The following MRE11 variants were observed in gnomAD, a reference collection of about 807,000 sequenced individuals.
MRE11 encodes double-strand break repair protein MRE11.
MRE11 carries 62 observed loss-of-function variants against 91.7 expected under a neutral mutation model. That is an observed-to-expected ratio of 0.68 (90% CI 0.55 to 0.84). The LOEUF (loss-of-function observed/expected upper bound fraction) is 0.84, where lower values mean the gene tolerates loss of function less well. MRE11 is among the 40% of genes least tolerant of loss of function. The pLI, the probability that MRE11 is intolerant of heterozygous loss-of-function variation, is 0.00. For synonymous variants in MRE11, 273 were observed against 271.4 expected (o/e 1.01, Z -0.06); for missense variants, 796 against 852.9 (o/e 0.93, Z 0.83).
intron 3 of MRE11, among the ~76,000 whole-genome samples, 156 bp downstream of exon 3, chr11:94,490,677 G>A (rs550666191): frequency 6.6e-6 from 1 of 152,292 alleles, no homozygotes; most frequent in African/African-American, 2.4e-5. Flanking sequence ...AAGACACAAA[G>A]CATACAAAAT....
chr11:94,509,733 C>T, the MRE11 span, among the ~76,000 whole-genome samples: 1 of 152,180 alleles, frequency 6.6e-6, no homozygotes, highest in Non-Finnish European at 1.5e-5. Flanking sequence ...CCCACCTTGC[C>T]TGGCCTGAAT....
chr11:94,422,332 G>A (rs1945192290), intron 19 of MRE11, among the ~76,000 whole-genome samples: 1 of 152,122 alleles, frequency 6.6e-6, no homozygotes, highest in Non-Finnish European at 1.5e-5. Context: ...TCTGGAACTG[G>A]AGTTTTTTCC....
chr11:94,465,395 C>CTTTT (rs752729940), intron 10 of MRE11, among the ~76,000 whole-genome samples: 28 of 127,928 alleles, frequency 2.2e-4, no homozygotes, highest in Non-Finnish European at 2.9e-4. Context: ...CTCTCTCTCT[C>CTTTT]TTTTTTTTTT....
At chr11:94,501,928 G>T in the MRE11 span, among the ~76,000 whole-genome samples, 67 of 151,894 alleles carry the variant, frequency 4.4e-4, no homozygotes, top group African/African-American at 1.6e-3. Context: ...AAATCATATT[G>T]TTTTTTTAAA....
At chr11:94,490,729 G>A in intron 3 of MRE11, 104 bp downstream of exon 3, 2 of 1,330,422 alleles carry the variant, frequency 1.5e-6, no homozygotes, top group South Asian at 2.4e-5. Context: ...AGCAGGCAAG[G>A]TAAGCACCTG....
At chr11:94,491,836 C>T (rs1295067604) in intron 2 of MRE11, among the ~76,000 whole-genome samples, 2 of 152,164 alleles carry the variant, frequency 1.3e-5, no homozygotes, top group African/African-American at 4.8e-5. Flanking sequence ...GATTTCTCTT[C>T]AAAAACTTCA....
chr11:94,490,388 C>G lies in MRE11; in HGVS notation c.153+445G>C, dbSNP rs116184016. 2.9e-3 allele frequency among the ~76,000 whole-genome samples: 441 copies of G among 152,308 alleles called. 2 individuals carry two copies. Among genetic ancestry groups the G allele is most frequent in the African/African-American group, 0.01 (421 of 41,562 alleles). On this transcript the variant is annotated intron_variant, in intron 3 of 19. Coordinates refer to ENST00000323929, the MANE Select transcript of MRE11 (RefSeq NM_005591.4). ...ACACAACCTTCTTCATTAAACTCAT[C>G]TTGCTATAATCTAAACGTGATTTTT... is the stretch of plus-strand genomic sequence containing the variant.
chr11:94,492,783 G>C lies in MRE11; in HGVS notation c.19C>G (p.Leu7Val), dbSNP rs73517551. The change falls in exon 2 of 20, where the codon CTT becomes GTT. Residue 7 changes from leucine to valine, a missense_variant and splice_region_variant. Transcript: ENST00000323929. ...GGATTCCAGAAGTCAGGTGCTTACA[G>C]TGCATCTGCAGTACTCATTTTTATG... MSTADA[L>V]DDENTFKILV... 3.4e-5 allele frequency: 55 copies of C among 1,613,828 alleles called. No homozygotes were observed. Among genetic ancestry groups the C allele is most frequent in the Non-Finnish European group, 4.6e-5 (54 of 1,179,966 alleles).
intron 14 of MRE11, among the ~76,000 whole-genome samples, 153 bp downstream of exon 14, chr11:94,456,123 G>T (rs1202899346): frequency 6.6e-6 from 1 of 152,146 alleles, no homozygotes; most frequent in Non-Finnish European, 1.5e-5. Flanking sequence ...TTTGTAGGCT[G>T]AACTGAAATC....
chr11:94,498,278 G>A (rs368818660), upstream of MRE11: 2 of 1,614,052 alleles, frequency 1.2e-6, no homozygotes, highest in African/African-American at 2.7e-5. Flanking sequence ...TAATACCAGA[G>A]TGGCTTCTTT....
intron 7 of MRE11, among the ~76,000 whole-genome samples, chr11:94,474,510 T>C (rs1369614563): frequency 1.3e-5 from 2 of 151,894 alleles, no homozygotes; most frequent in Non-Finnish European, 2.9e-5. Context: ...TTAATAAATA[T>C]AGAAAGAATG....
chr11:94,433,394 C>T (rs1009038470), intron 18 of MRE11, among the ~76,000 whole-genome samples: 1 of 152,220 alleles, frequency 6.6e-6, no homozygotes, highest in Admixed American at 6.5e-5. Context: ...TACCCTGTGT[C>T]TCTTTTCTAT....
At chr11:94,509,211 T>C in the MRE11 span, among the ~76,000 whole-genome samples, 1 of 152,228 alleles carries the variant, frequency 6.6e-6, no homozygotes, top group Non-Finnish European at 1.5e-5. Flanking sequence ...TAGGTATTAC[T>C]TTTTCTTGAT....
chr11:94,466,396 G>C (rs1946562852), intron 10 of MRE11: 4 of 471,336 alleles, frequency 8.5e-6, no homozygotes, highest in Admixed American at 8.1e-5. Flanking sequence ...ATTAATAAGG[G>C]CTTCACTATG....
Position 94,420,478 on chromosome 11 carries a change from G to T in MRE11, c.2071-297C>A, listed in dbSNP as rs1591621766. Reference sequence around the variant, plus strand: ...TAGGTAAGCCAGAAAAATAATTCAAGTCATTTTATATTTGGTTTTTGAATA... The same window carrying T: ...TAGGTAAGCCAGAAAAATAATTCAATTCATTTTATATTTGGTTTTTGAATA... On this transcript the variant is annotated intron_variant, in intron 19 of 19. Coordinates refer to ENST00000323929, the MANE Select transcript of MRE11 (RefSeq NM_005591.4). Among the ~76,000 whole-genome samples the T allele has an allele frequency of 3.3e-5, 5 of 152,136 alleles. No homozygotes were observed. In the South Asian group the frequency reaches 1.0e-3, roughly 32 times the overall value.
intron 7 of MRE11, among the ~76,000 whole-genome samples, 194 bp downstream of exon 7, chr11:94,476,095 A>T (rs1185101987): frequency 2.6e-5 from 4 of 152,208 alleles, no homozygotes; most frequent in Non-Finnish European, 5.9e-5. Context: ...CTTATGTTAC[A>T]AATATTCTTG....
upstream of MRE11, chr11:94,498,377 G>C: frequency 6.2e-7 from 1 of 1,613,304 alleles, no homozygotes. Flanking sequence ...AGACAGCAAG[G>C]ATACCCTAGA....
upstream of MRE11, chr11:94,498,006 C>T (rs1947440930): frequency 2.4e-6 from 3 of 1,265,186 alleles, no homozygotes. Context: ...CACCACAAGA[C>T]AATTTTGTTT....
At chr11:94,503,069 T>C in the MRE11 span, among the ~76,000 whole-genome samples, 2 of 152,222 alleles carry the variant, frequency 1.3e-5, no homozygotes, top group African/African-American at 4.8e-5. Context: ...ACATGAGATC[T>C]GCCCTGTTAA....
Sources: gnomAD v4.1 joint callset for allele counts (sites outside exome capture counted in the v4.1 genomes callset) on GRCh38, gnomAD v4.1.1 for gene constraint, MANE v1.5 for transcripts, NCBI Gene and HGNC (gene_info 2026-07-23, HGNC 2026-07-21) for gene names.